UBR3: variants seen among roughly 807,000 people sequenced by gnomAD.
The protein encoded by UBR3 is ubiquitin protein ligase E3 component n-recognin 3.
A neutral mutation model predicts 243.2 loss-of-function variants in UBR3; 85 were observed. The ratio of observed to expected loss-of-function variants is 0.35; its 90% CI spans 0.29 to 0.42. The LOEUF (loss-of-function observed/expected upper bound fraction) is 0.42. UBR3 is among the 10% of genes least tolerant of loss of function. UBR3 has a pLI of 1.00. For synonymous variants in UBR3, 748 were observed against 799.8 expected, an observed-to-expected ratio of 0.94 and a Z score of 1.09; for missense variants, 1,686 against 2,300.8, an observed-to-expected ratio of 0.73 and a Z score of 5.47.
At chr2:169,883,958 G>A (rs977634000) in intron 5 of UBR3, among the ~76,000 whole-genome samples, 2 of 151,790 alleles carry the variant, frequency 1.3e-5, no homozygotes, top group Admixed American at 1.3e-4. Context: ...TCAGCCTCCC[G>A]ACTAGCTGTG....
At chr2:170,048,408 G>A (rs1268138770) in intron 32 of UBR3, among the ~76,000 whole-genome samples, 20 of 152,106 alleles carry the variant, frequency 1.3e-4, no homozygotes, top group Non-Finnish European at 1.8e-4. Context: ...TTTTGAACAC[G>A]CAACCCATGA....
At position 170,081,846 on chromosome 2, in the gene UBR3, C is replaced by T; in HGVS notation, c.*3C>T. On this transcript the variant is annotated 3_prime_UTR_variant, in exon 39 of 39. Transcript: ENST00000272793. ...GTCCACATTACAATGGGCTGTGACT[C>T]TCCACCTCAGCATTGCATCGTATCA... is the stretch of plus-strand genomic sequence containing the variant. The T allele has an allele frequency of 6.4e-7, 1 of 1,554,070 alleles. No homozygotes were observed. Among genetic ancestry groups the T allele is most frequent in the Non-Finnish European group, 8.8e-7 (1 of 1,141,890 alleles).
chr2:170,068,848 T>C (rs1311336168), intron 35 of UBR3, among the ~76,000 whole-genome samples: 1 of 152,164 alleles, frequency 6.6e-6, no homozygotes, highest in Non-Finnish European at 1.5e-5. Flanking sequence ...CCAACAAGTT[T>C]GACAACTTAG....
intron 8 of UBR3, among the ~76,000 whole-genome samples, 190 bp downstream of exon 8, chr2:169,896,925 A>G (rs575510886): frequency 1.1e-4 from 17 of 152,296 alleles, no homozygotes; most frequent in Admixed American, 3.9e-4. Flanking sequence ...ATAAAATAAT[A>G]CATGTTTGTT....
chr2:169,871,649 G>A (rs2083442101), intron 1 of UBR3, among the ~76,000 whole-genome samples: 1 of 150,610 alleles, frequency 6.6e-6, no homozygotes, highest in Non-Finnish European at 1.5e-5. Flanking sequence ...TTGGGAGGCT[G>A]AGGTGGGGGA....
At chr2:169,847,416 T>C (rs1404158760) in intron 1 of UBR3, among the ~76,000 whole-genome samples, 1 of 152,184 alleles carries the variant, frequency 6.6e-6, no homozygotes, top group Non-Finnish European at 1.5e-5. Flanking sequence ...CTTTCACTTA[T>C]CACAGTCTAC....
intron 31 of UBR3, among the ~76,000 whole-genome samples, chr2:170,033,911 GAA>G (rs2090752199): frequency 2.0e-5 from 3 of 151,044 alleles, no homozygotes; most frequent in Non-Finnish European, 4.4e-5. Flanking sequence ...CTTATCCATA[GAA>G]TCAACAGTTG....
intron 1 of UBR3, among the ~76,000 whole-genome samples, chr2:169,870,383 C>T (rs1445945193): frequency 6.6e-6 from 1 of 152,156 alleles, no homozygotes; most frequent in Non-Finnish European, 1.5e-5. Context: ...TCAGCCTCAG[C>T]CTCCCAACAT....
chr2:169,842,118 G>A (rs566282270), intron 1 of UBR3, among the ~76,000 whole-genome samples: 23 of 152,250 alleles, frequency 1.5e-4, no homozygotes, highest in South Asian at 8.3e-4. Context: ...GTATCTAGCT[G>A]CTCTGGTGAG....
intron 29 of UBR3, among the ~76,000 whole-genome samples, chr2:170,011,429 T>C (rs1412447565): frequency 2.0e-5 from 3 of 152,088 alleles, no homozygotes; most frequent in African/African-American, 7.2e-5. Flanking sequence ...GAATTAAATG[T>C]AGTGATTTTT....
chr2:170,057,101 A>C (rs547377019), intron 33 of UBR3, among the ~76,000 whole-genome samples: 1 of 145,626 alleles, frequency 6.9e-6, no homozygotes, highest in Non-Finnish European at 1.5e-5. Context: ...TCTTTTTGTA[A>C]TTATCTTTAG....
chr2:169,974,956 G>A (rs2088357478), intron 24 of UBR3, among the ~76,000 whole-genome samples: 1 of 152,142 alleles, frequency 6.6e-6, no homozygotes, highest in Admixed American at 6.6e-5. Flanking sequence ...CCAAGCGGGT[G>A]GATTGCTTTA....
Position 169,857,660 on chromosome 2 carries a change from C to T in UBR3, c.546-14576C>T, listed in dbSNP as rs2082936851. Among the ~76,000 whole-genome samples the T allele has an allele frequency of 2.0e-5, 3 of 151,812 alleles. No homozygotes were observed. The East Asian group carries it at 5.8e-4, about 29-fold the overall frequency. ...TAGGCTGATCTCAAACTCCTGACCT[C>T]AGGTGATCCACCTGCCTTGGCCTCC... On this transcript the variant is annotated intron_variant, in intron 1 of 38. Transcript: ENST00000272793.
At chr2:169,996,302 T>G (rs1051106253) in intron 26 of UBR3, among the ~76,000 whole-genome samples, 5 of 152,200 alleles carry the variant, frequency 3.3e-5, no homozygotes, top group African/African-American at 1.2e-4. Context: ...TTCTGCCATT[T>G]CTGAGCAATG....
At chr2:169,974,916 TCTTGCC>T (rs2088354925) in intron 24 of UBR3, among the ~76,000 whole-genome samples, 1 of 152,204 alleles carries the variant, frequency 6.6e-6, no homozygotes, top group Non-Finnish European at 1.5e-5. Flanking sequence ...GCATGGTGGC[TCTTGCC>T]TGTGATCCCA....
chr2:169,890,563 A>ATATATATATATATATATGTGTG (rs1255881148), intron 5 of UBR3, among the ~76,000 whole-genome samples: 4 of 83,882 alleles, frequency 4.8e-5, no homozygotes, highest in South Asian at 8.4e-4. Context: ...ATATATATAT[A>ATATATATATATATATATGTGTG]TGTGTATATA....
chr2:169,879,848 A>G (rs1346582112), intron 5 of UBR3, among the ~76,000 whole-genome samples: 1 of 152,218 alleles, frequency 6.6e-6, no homozygotes, highest in Non-Finnish European at 1.5e-5. Flanking sequence ...TCATATTGTT[A>G]CAATGACAAA....
At chr2:169,874,537 A>G (rs1342695049) in intron 2 of UBR3, among the ~76,000 whole-genome samples, 1 of 152,170 alleles carries the variant, frequency 6.6e-6, no homozygotes, top group East Asian at 1.9e-4. Flanking sequence ...TCTTGCAATA[A>G]CCAATCCAAG....
At chr2:170,046,498 C>T (rs60757062) in intron 32 of UBR3, among the ~76,000 whole-genome samples, 7,759 of 152,122 alleles carry the variant, frequency 0.051, 387 homozygotes, top group African/African-American at 0.13. Flanking sequence ...ATCTTCTGTC[C>T]CTGTGTGTGT....
Sources: allele counts gnomAD v4.1 joint callset (sites outside exome capture counted in the v4.1 genomes callset), GRCh38; gene constraint gnomAD v4.1.1; transcripts MANE v1.5; gene names NCBI Gene and HGNC (gene_info 2026-07-23, HGNC 2026-07-21).